The following GNG7 variants were observed in gnomAD, a reference collection of about 807,000 sequenced individuals.
The protein encoded by GNG7 is G protein subunit gamma 7.
GNG7 carries 1 observed loss-of-function variant against 4.0 expected under a neutral mutation model. The observed-to-expected ratio is 0.25, with a 90% CI of 0.09 to 1.18. The LOEUF is 1.18. Ranked by LOEUF, GNG7 falls within the 50% of genes most tolerant of loss-of-function variation. GNG7 has a pLI of 0.50. For synonymous variants in GNG7, 34 were observed against 36.9 expected (o/e 0.92, Z 0.29); for missense variants, 86 against 91.9 (o/e 0.94, Z 0.26).
At chr19:2,567,393 GTGCAA>G (rs564690484) in intron 2 of GNG7, among the ~76,000 whole-genome samples, 178 of 142,066 alleles carry the variant, frequency 1.3e-3, no homozygotes, top group African/African-American at 4.8e-3. Flanking sequence ...AGTGCCCGTG[GTGCAA>G]TCACGCTGCC....
At chr19:2,584,643 G>A (rs1396509218) in intron 2 of GNG7, among the ~76,000 whole-genome samples, 1 of 110,896 alleles carries the variant, frequency 9.0e-6, no homozygotes, top group Non-Finnish European at 1.9e-5. Context: ...AAGGAAGGAG[G>A]GAGGGAGGGA....
At chr19:2,544,329 C>T (rs1979056348) in intron 3 of GNG7, among the ~76,000 whole-genome samples, 1 of 152,200 alleles carries the variant, frequency 6.6e-6, no homozygotes, top group Non-Finnish European at 1.5e-5. Flanking sequence ...GCACCTGCGT[C>T]AATGTGCACA....
At chr19:2,700,650 A>T (rs931543476) in intron 1 of GNG7, 2 of 152,198 alleles carry the variant, frequency 1.3e-5, no homozygotes, top group Non-Finnish European at 2.9e-5. Flanking sequence ...TATGCTAGGA[A>T]ATAGTCCATG....
chr19:2,659,819 T>C (rs1983102006), intron 1 of GNG7, among the ~76,000 whole-genome samples: 1 of 151,590 alleles, frequency 6.6e-6, no homozygotes, highest in Non-Finnish European at 1.5e-5. Context: ...AGACACCCAC[T>C]TTAGACAACA....
intron 3 of GNG7, among the ~76,000 whole-genome samples, chr19:2,536,952 ATTTTTT>A (rs11288292): frequency 2.1e-4 from 23 of 108,840 alleles, no homozygotes; most frequent in East Asian, 1.4e-3. Flanking sequence ...TTTTATTTTT[ATTTTTT>A]TTTTTTGAGA....
At chr19:2,701,545 T>G (rs1913400911) in intron 1 of GNG7, among the ~76,000 whole-genome samples, 1 of 149,040 alleles carries the variant, frequency 6.7e-6, no homozygotes, top group Non-Finnish European at 1.5e-5. Context: ...CACCCCAGCT[T>G]TGTCCTTCTG....
intron 2 of GNG7, among the ~76,000 whole-genome samples, chr19:2,569,135 GCACA>G (rs913025632): frequency 6.6e-6 from 1 of 151,830 alleles, no homozygotes; most frequent in African/African-American, 2.4e-5. Context: ...ACAGGTGCGC[GCACA>G]CACACACAAC....
chr19:2,625,860 C>T (rs189169516), intron 2 of GNG7, among the ~76,000 whole-genome samples: 23 of 152,254 alleles, frequency 1.5e-4, no homozygotes, highest in Non-Finnish European at 3.4e-4. Context: ...CTCACTGATG[C>T]TCACCGCAAC....
intron 2 of GNG7, among the ~76,000 whole-genome samples, chr19:2,578,667 G>T (rs550028247): frequency 2.0e-5 from 3 of 152,338 alleles, no homozygotes; most frequent in South Asian, 4.1e-4. Flanking sequence ...GTGGACATTG[G>T]GGCTGGATCC....
At chr19:2,529,673 A>G (rs978322588) in intron 3 of GNG7, among the ~76,000 whole-genome samples, 4 of 152,186 alleles carry the variant, frequency 2.6e-5, no homozygotes, top group African/African-American at 9.7e-5. Flanking sequence ...CGTGTCATTT[A>G]TGGACTCGAT....
At chr19:2,540,092 T>G in intron 3 of GNG7, among the ~76,000 whole-genome samples, 1 of 131,998 alleles carries the variant, frequency 7.6e-6, no homozygotes, top group Non-Finnish European at 1.6e-5. Context: ...CTCTCTCTGT[T>G]TCTTTCTCAA....
At chr19:2,665,471 C>A (rs1983286886) in intron 1 of GNG7, among the ~76,000 whole-genome samples, 1 of 151,652 alleles carries the variant, frequency 6.6e-6, no homozygotes, top group South Asian at 2.1e-4. Context: ...GGGAAGAGGG[C>A]CATGCGGGAC....
intron 3 of GNG7, among the ~76,000 whole-genome samples, chr19:2,527,959 A>C (rs1203760561): frequency 1.3e-5 from 2 of 152,122 alleles, no homozygotes; most frequent in Non-Finnish European, 2.9e-5. Context: ...TGAAGGCCCC[A>C]AAAATAAATG....
At chr19:2,588,501 C>A (rs995604548) in intron 2 of GNG7, among the ~76,000 whole-genome samples, 1 of 152,218 alleles carries the variant, frequency 6.6e-6, no homozygotes, top group African/African-American at 2.4e-5. Context: ...GGTCAAAGGG[C>A]CCGTTCCCCC....
intron 3 of GNG7, among the ~76,000 whole-genome samples, chr19:2,549,541 G>A (rs1026002837): frequency 7.2e-5 from 11 of 152,176 alleles, no homozygotes; most frequent in Non-Finnish European, 1.3e-4. Flanking sequence ...CACGTGTCTC[G>A]GCCTCCCAAA....
intron 2 of GNG7, among the ~76,000 whole-genome samples, chr19:2,566,581 G>A (rs1016838635): frequency 5.3e-5 from 8 of 152,132 alleles, no homozygotes; most frequent in African/African-American, 1.9e-4. Flanking sequence ...AATGGTCGGG[G>A]GACACCTCCT....
chr19:2,614,217 C>T lies in GNG7; in HGVS notation c.-78+32007G>A, dbSNP rs1332147432. Among the ~76,000 whole-genome samples, 4 of 152,294 alleles carry T rather than the reference C, an allele frequency of 2.6e-5. No homozygotes were observed. Among genetic ancestry groups the T allele is most frequent in the Middle Eastern group, 3.4e-3 (1 of 294 alleles). ...CCCCCAGCTACAGCCTGAGCATGGT[C>T]GCCAGAAAGCAGGTGCGGCGACTTT... On this transcript the variant is annotated intron_variant, in intron 2 of 4. Coordinates refer to ENST00000382159, the MANE Select transcript of GNG7 (RefSeq NM_052847.3). The surrounding 1 kb of genome is among the most constrained non-coding windows in gnomAD (Gnocchi z 6.0).
chr19:2,584,770 T>G (rs1163069543), intron 2 of GNG7, among the ~76,000 whole-genome samples: 69 of 4,914 alleles, frequency 0.014, no homozygotes, highest in East Asian at 0.022. Flanking sequence ...GAGGGAGGGA[T>G]GGAGGGAGGG....
rs189430360 is a variant in GNG7, at chr19:2,650,332, C to A, written c.-134-4052G>T. ...TCCAGAGTAACTGGGATTTCAGGTA[C>A]CCACCACCATGCCTGGCTAGCTTTT... On this transcript the variant is annotated intron_variant, in intron 1 of 4. Coordinates refer to ENST00000382159, the MANE Select transcript of GNG7 (RefSeq NM_052847.3). Among the ~76,000 whole-genome samples the A allele has an allele frequency of 9.6e-4, 146 of 151,970 alleles. 3 individuals are homozygous for A. Among genetic ancestry groups the A allele is most frequent in the Admixed American group, 9.6e-3 (146 of 15,244 alleles).
Sources: allele counts gnomAD v4.1 joint callset (sites outside exome capture counted in the v4.1 genomes callset), GRCh38; gene constraint gnomAD v4.1.1; non-coding constraint Gnocchi (gnomAD v3.1); transcripts MANE v1.5; gene names NCBI Gene and HGNC (gene_info 2026-07-23, HGNC 2026-07-21).